The following SLC38A9 variants were observed in gnomAD, a reference collection of about 807,000 sequenced individuals.
SLC38A9 encodes the protein solute carrier family 38 member 9.
Under a neutral mutation model 62.3 loss-of-function variants are expected in SLC38A9, and 48 were observed. The observed-to-expected ratio is 0.77, with a 90% CI of 0.61 to 0.98. The LOEUF is 0.98. Among genes scored for constraint, SLC38A9 ranks in the 50% least tolerant of loss-of-function variants. SLC38A9 has a pLI of 0.00. For missense variants in SLC38A9, 541 were observed against 679.8 expected, an observed-to-expected ratio of 0.80 and a Z score of 2.27; for synonymous variants, 204 against 227.7, an observed-to-expected ratio of 0.90 and a Z score of 0.94.
At chr5:55,692,206 ATCG>A (rs1754851934) in intron 3 of SLC38A9, among the ~76,000 whole-genome samples, 1 of 152,232 alleles carries the variant, frequency 6.6e-6, no homozygotes, top group South Asian at 2.1e-4. Context: ...CTTCAAATCC[ATCG>A]TTTTACAAAG....
intron 2 of SLC38A9, among the ~76,000 whole-genome samples, chr5:55,699,431 A>G (rs1756359029): frequency 6.6e-6 from 1 of 152,200 alleles, no homozygotes; most frequent in African/African-American, 2.4e-5. Flanking sequence ...AGCAAATGTA[A>G]ATCTTTCCTG....
At chr5:55,652,796 A>G in intron 9 of SLC38A9, 73 bp from the exon 10 acceptor site, 1 of 1,295,838 alleles carries the variant, frequency 7.7e-7, no homozygotes. Context: ...ACAGAAAATG[A>G]CTGCCTCTAG....
intron 3 of SLC38A9, among the ~76,000 whole-genome samples, chr5:55,674,611 C>T (rs1580294298): frequency 6.6e-6 from 1 of 152,174 alleles, no homozygotes; most frequent in Admixed American, 6.5e-5. Context: ...CCAGTCTCCA[C>T]AACTATAAGA....
rs1326777652 is a variant in SLC38A9, at chr5:55,626,354, C to A, written c.*140G>T. On this transcript the variant is annotated 3_prime_UTR_variant, in exon 16 of 16. Coordinates refer to ENST00000396865, the MANE Select transcript of SLC38A9 (RefSeq NM_173514.4). ...CAATAAAAAAATACTCATTAAGGGG[C>A]CACTATTTCCCTTGCTTTCAAATTA... The A allele has an allele frequency of 1.4e-6, 1 of 730,948 alleles. No individual in the cohort carries two copies. The highest frequency in any genetic ancestry group is 2.2e-6 in the Non-Finnish European group (1 of 461,158). The allele number at this position is 730,948 out of a possible 1,614,324, so 45.3% of individuals were successfully genotyped here. A position where few individuals can be genotyped will look rare whatever the true frequency, so the allele number is the denominator to read the frequency against.
At chr5:55,694,049 T>A (rs546189947) in intron 3 of SLC38A9, 27 of 156,542 alleles carry the variant, frequency 1.7e-4, no homozygotes, top group East Asian at 3.6e-4. Flanking sequence ...AAATAAAATT[T>A]AAAAAAAAAT....
chr5:55,698,254 G>A (rs1408356761), intron 2 of SLC38A9, among the ~76,000 whole-genome samples: 2 of 94,134 alleles, frequency 2.1e-5, no homozygotes, highest in African/African-American at 6.5e-5. Flanking sequence ...TTTTTCCTGC[G>A]GAAAAAAAAC....
At chr5:55,699,113 G>C (rs1015533828) in intron 2 of SLC38A9, among the ~76,000 whole-genome samples, 1 of 152,110 alleles carries the variant, frequency 6.6e-6, no homozygotes, top group African/African-American at 2.4e-5. Context: ...AAAATAGCCA[G>C]GCATGGTGGC....
chr5:55,658,829 C>T lies in SLC38A9; in HGVS notation c.698-2055G>A, dbSNP rs1748947511. 2.0e-5 allele frequency among the ~76,000 whole-genome samples: 3 copies of T among 152,220 alleles called. No individual in the cohort carries two copies. The South Asian group carries it at 6.2e-4, about 32-fold the overall frequency. ...TAGGAAAAGACACAAAAGATCTAAA[C>T]AAATATTAGCTCCTACCCCTCCAAA... On this transcript the variant is annotated intron_variant, in intron 8 of 15. Transcript: ENST00000396865.
At chr5:55,686,883 C>T (rs889229232) in intron 3 of SLC38A9, among the ~76,000 whole-genome samples, 3 of 152,048 alleles carry the variant, frequency 2.0e-5, no homozygotes, top group Non-Finnish European at 4.4e-5. Context: ...AATATTTCCC[C>T]ATTGCTTGTT....
intron 3 of SLC38A9, chr5:55,673,287 G>A (rs760016680): frequency 2.0e-5 from 3 of 152,042 alleles, no homozygotes; most frequent in African/African-American, 7.2e-5. Context: ...TACTTTTTGC[G>A]GATTTTAGTA....
Position 55,627,968 on chromosome 5 carries a change from C to A in SLC38A9, c.1443G>T (p.Val481=). Reference sequence around the variant, plus strand: ...CCACAATAATTAGATTAAGAATCAGCACATGGAAAATGCTAGAAGTTGAGA... The same window carrying A: ...CCACAATAATTAGATTAAGAATCAGAACATGGAAAATGCTAGAAGTTGAGA... The part of the protein sequence containing the change: ...FGDIYPSIFH[V]LILNLIIVGA... Residue 481 remains valine (V), a synonymous_variant, in exon 15 of 16, where the codon GTG becomes GTT. Transcript: ENST00000396865. The A allele has an allele frequency of 6.2e-7, 1 of 1,611,168 alleles. No individual in the cohort carries two copies. The highest frequency in any genetic ancestry group is 8.5e-7 in the Non-Finnish European group (1 of 1,178,138).
intron 3 of SLC38A9, 74 bp from the exon 4 acceptor site, chr5:55,672,769 C>G: frequency 6.8e-7 from 1 of 1,471,882 alleles, no homozygotes; most frequent in African/African-American, 1.4e-5. Context: ...AAGAAAATAA[C>G]TTCTTATCCT....
chr5:55,649,360 T>C, intron 10 of SLC38A9, 46 bp from the exon 11 acceptor site: 1 of 1,191,468 alleles, frequency 8.4e-7, no homozygotes, highest in Non-Finnish European at 1.2e-6. Context: ...TTGTGTGTTT[T>C]ACAGATTATT....
intron 14 of SLC38A9, among the ~76,000 whole-genome samples, chr5:55,630,577 A>C (rs1276086018): frequency 1.3e-5 from 2 of 152,148 alleles, no homozygotes; most frequent in Non-Finnish European, 2.9e-5. Context: ...TGGCCTCCCA[A>C]AGTGCTGGGA....
At chr5:55,653,052 C>T (rs1180330643) in intron 9 of SLC38A9, among the ~76,000 whole-genome samples, 2 of 151,942 alleles carry the variant, frequency 1.3e-5, no homozygotes, top group Admixed American at 1.3e-4. Context: ...CTGCAACCTC[C>T]GCCTCCTGGA....
chr5:55,699,550 TGAGTGAGAACAA>T (rs1230881190), intron 2 of SLC38A9, among the ~76,000 whole-genome samples: 1 of 152,042 alleles, frequency 6.6e-6, no homozygotes, highest in Non-Finnish European at 1.5e-5. Context: ...TAAAGTACTA[TGAGTGAGAACAA>T]GAAACAAAAG....
At chr5:55,690,194 G>C (rs1045328604) in intron 3 of SLC38A9, among the ~76,000 whole-genome samples, 2 of 152,076 alleles carry the variant, frequency 1.3e-5, no homozygotes, top group Non-Finnish European at 2.9e-5. Flanking sequence ...ATCTCGCTAT[G>C]TTGCCCAGGC....
chr5:55,660,103 G>C (rs1443435352), intron 8 of SLC38A9, among the ~76,000 whole-genome samples: 1 of 146,898 alleles, frequency 6.8e-6, no homozygotes, highest in Non-Finnish European at 1.5e-5. Context: ...CAGCAAGTTT[G>C]CTAGATTAAA....
At chr5:55,687,065 GTTTTTTTTTTTT>G (rs56912932) in intron 3 of SLC38A9, among the ~76,000 whole-genome samples, 2 of 125,720 alleles carry the variant, frequency 1.6e-5, no homozygotes, top group African/African-American at 6.3e-5. Context: ...CTCCAGCTTT[GTTTTTTTTTTTT>G]TTTTTTTTTT....
Sources: gnomAD v4.1 joint callset for allele counts (sites outside exome capture counted in the v4.1 genomes callset) on GRCh38, gnomAD v4.1.1 for gene constraint, MANE v1.5 for transcripts, NCBI Gene and HGNC (gene_info 2026-07-23, HGNC 2026-07-21) for gene names.